Variants in DOCK3 observed in about 807,000 individuals in gnomAD.
DOCK3 encodes the protein dedicator of cytokinesis 3.
Under a neutral mutation model 265.6 loss-of-function variants are expected in DOCK3, and 60 were observed. That is an observed-to-expected ratio of 0.23 (90% CI 0.18 to 0.28). The LOEUF is 0.28. DOCK3 is among the 10% of genes least tolerant of loss of function. DOCK3 has a pLI of 1.00. For synonymous variants in DOCK3, 881 were observed against 938.0 expected (o/e 0.94, Z 1.11); for missense variants, 1,981 against 2,594.3 (o/e 0.76, Z 5.14).
intron 2 of DOCK3, among the ~76,000 whole-genome samples, chr3:50,802,251 A>G (rs1057444192): frequency 5.3e-5 from 8 of 151,950 alleles, no homozygotes; most frequent in African/African-American, 1.9e-4. Flanking sequence ...TGTTTTGTAT[A>G]TTCTTTGTTT....
At chr3:50,734,791 G>A (rs2108161436) in intron 1 of DOCK3, among the ~76,000 whole-genome samples, 1 of 151,946 alleles carries the variant, frequency 6.6e-6, no homozygotes, top group South Asian at 2.1e-4. Flanking sequence ...TTTTAGTAGA[G>A]GCGGGGTTTC....
chr3:50,849,594 C>A (rs933021044), intron 3 of DOCK3, among the ~76,000 whole-genome samples: 1 of 152,130 alleles, frequency 6.6e-6, no homozygotes, highest in African/African-American at 2.4e-5. Context: ...GCTGGGACTA[C>A]AGGCACATGC....
At position 51,270,912 on chromosome 3, in the gene DOCK3, G is replaced by A; in HGVS notation, c.2453G>A (p.Ser818Asn). The change falls in exon 24 of 53, where the codon AGC becomes AAC. Residue 818 changes from serine (S) to asparagine (N), a missense_variant. This residue lies in a region of DOCK3 where 1,357 missense variants were observed against 1,866.8 expected (regional missense o/e 0.73). Transcript: ENST00000266037. ...VAEFVRGTLG[S>N]MPSTVHIGQS... Reference sequence around the variant, plus strand: ...GAGTTTGTGAGAGGGACACTGGGGAGCATGCCCAGCACTGTGCACATTGGG... The same window carrying A: ...GAGTTTGTGAGAGGGACACTGGGGAACATGCCCAGCACTGTGCACATTGGG... 4 of 1,614,026 alleles carry A rather than the reference G, an allele frequency of 2.5e-6. No homozygotes were observed. The highest frequency in any genetic ancestry group is 3.4e-6 in the Non-Finnish European group (4 of 1,179,902).
chr3:50,752,788 CAA>C (rs2039917792), intron 1 of DOCK3, among the ~76,000 whole-genome samples: 1 of 152,136 alleles, frequency 6.6e-6, no homozygotes, highest in Non-Finnish European at 1.5e-5. Context: ...AACAAACAAA[CAA>C]ACACCCCTAC....
intron 1 of DOCK3, among the ~76,000 whole-genome samples, chr3:50,749,442 T>C (rs921807886): frequency 1.3e-5 from 2 of 152,242 alleles, no homozygotes; most frequent in Admixed American, 1.3e-4. Context: ...GATTTTCTTC[T>C]CTACCTCGTC....
intron 22 of DOCK3, among the ~76,000 whole-genome samples, chr3:51,254,290 T>C (rs56023267): frequency 1.3e-5 from 2 of 152,358 alleles, no homozygotes; most frequent in Non-Finnish European, 2.9e-5. Context: ...CTTCCAACTA[T>C]GTGGTCAATT....
chr3:51,275,514 T>G (rs2080769920), intron 25 of DOCK3, among the ~76,000 whole-genome samples: 1 of 152,196 alleles, frequency 6.6e-6, no homozygotes, highest in Non-Finnish European at 1.5e-5. Context: ...TCTGGATTCT[T>G]GGGAGTTTTC....
chr3:51,017,162 G>A (rs969410750), intron 5 of DOCK3, among the ~76,000 whole-genome samples: 1 of 149,842 alleles, frequency 6.7e-6, no homozygotes, highest in African/African-American at 2.5e-5. Flanking sequence ...CAATTTATTG[G>A]TGTATAGTTT....
chr3:50,885,364 GTTT>G (rs62977761), intron 3 of DOCK3, among the ~76,000 whole-genome samples: 57 of 129,572 alleles, frequency 4.4e-4, no homozygotes, highest in Middle Eastern at 4.2e-3. Flanking sequence ...TTTGTATGCA[GTTT>G]TTTTTTTTTT....
chr3:50,742,467 A>C (rs1203496526), intron 1 of DOCK3, among the ~76,000 whole-genome samples: 4 of 150,484 alleles, frequency 2.7e-5, no homozygotes, highest in Non-Finnish European at 4.5e-5. Context: ...AGACGAATGT[A>C]TAACTAGAAT....
chr3:50,851,526 A>G (rs2046357886), intron 3 of DOCK3, among the ~76,000 whole-genome samples: 1 of 152,200 alleles, frequency 6.6e-6, no homozygotes, highest in African/African-American at 2.4e-5. Context: ...CTGCTGGTCT[A>G]GGCAAGCGGA....
At chr3:50,842,579 C>A (rs1346839781) in intron 3 of DOCK3, among the ~76,000 whole-genome samples, 1 of 151,934 alleles carries the variant, frequency 6.6e-6, no homozygotes, top group East Asian at 1.9e-4. Flanking sequence ...TTGTGGGAGA[C>A]AGTCTTGTGC....
At chr3:51,311,553 C>T (rs900684958) in intron 28 of DOCK3, among the ~76,000 whole-genome samples, 10 of 152,050 alleles carry the variant, frequency 6.6e-5, no homozygotes, top group African/African-American at 2.4e-4. Flanking sequence ...CTATATAAAC[C>T]CCTGTTATCC....
At chr3:51,250,520 G>A (rs2079157507) in intron 22 of DOCK3, among the ~76,000 whole-genome samples, 1 of 152,160 alleles carries the variant, frequency 6.6e-6, no homozygotes. Flanking sequence ...TCACGAGGCT[G>A]TGGCTCAAGA....
chr3:51,256,529 C>G (rs1030296286), intron 22 of DOCK3, among the ~76,000 whole-genome samples: 3 of 151,824 alleles, frequency 2.0e-5, no homozygotes, highest in Non-Finnish European at 2.9e-5. Context: ...CCTTGGCATC[C>G]CAAAGTTCTG....
chr3:51,269,829 C>T (rs180800684), intron 23 of DOCK3, among the ~76,000 whole-genome samples: 13 of 152,250 alleles, frequency 8.5e-5, no homozygotes, highest in Non-Finnish European at 1.6e-4. Flanking sequence ...CTACTAGAAA[C>T]TTTATGTAAA....
intron 4 of DOCK3, among the ~76,000 whole-genome samples, chr3:50,895,528 T>C (rs1033769697): frequency 3.3e-5 from 5 of 151,984 alleles, no homozygotes; most frequent in Admixed American, 2.6e-4. Flanking sequence ...AAAATTTTTT[T>C]ATTATACTTT....
intron 1 of DOCK3, among the ~76,000 whole-genome samples, chr3:50,731,973 C>G (rs1452689462): frequency 1.3e-5 from 2 of 151,914 alleles, no homozygotes; most frequent in Non-Finnish European, 2.9e-5. Context: ...TGTAGACAAT[C>G]CATAATGAAA....
chr3:50,809,170 G>C (rs2168863), intron 2 of DOCK3, among the ~76,000 whole-genome samples: 14,361 of 152,196 alleles, frequency 0.094, 839 homozygotes, highest in Non-Finnish European at 0.12. Context: ...AAGAAGTCAC[G>C]ATGAGTTATT....
Sources: allele counts gnomAD v4.1 joint callset (sites outside exome capture counted in the v4.1 genomes callset), GRCh38; gene constraint gnomAD v4.1.1; regional missense constraint gnomAD v4.1.1; transcripts MANE v1.5; gene names NCBI Gene and HGNC (gene_info 2026-07-23, HGNC 2026-07-21).